Variants in THRB observed in about 807,000 individuals in gnomAD.
THRB encodes thyroid hormone receptor beta.
Under a neutral mutation model 47.8 loss-of-function variants are expected in THRB, and 12 were observed. The ratio of observed to expected loss-of-function variants is 0.25; its 90% CI spans 0.16 to 0.41. The LOEUF is 0.41. Among genes scored for constraint, THRB ranks in the 10% least tolerant of loss-of-function variants. The pLI is 1.00. For missense variants in THRB, 348 were observed against 589.2 expected (o/e 0.59, Z 4.24); for synonymous variants, 218 against 212.2 (o/e 1.03, Z -0.24).
intron 1 of THRB, among the ~76,000 whole-genome samples, chr3:24,381,113 C>CAA (rs35253085): frequency 0.17 from 14,992 of 87,420 alleles, 1,026 homozygotes; most frequent in Non-Finnish European, 0.23. Context: ...GACTCTGCCT[C>CAA]AAAAAAAAAA....
At chr3:24,246,432 G>A (rs78883834) in intron 3 of THRB, among the ~76,000 whole-genome samples, 1 of 152,286 alleles carries the variant, frequency 6.6e-6, no homozygotes, top group East Asian at 1.9e-4. Flanking sequence ...TTTTGAAAAG[G>A]GCATGGTATT....
chr3:24,417,381 T>TG (rs2150246395), intron 1 of THRB, among the ~76,000 whole-genome samples: 1 of 152,056 alleles, frequency 6.6e-6, no homozygotes, highest in Non-Finnish European at 1.5e-5. Context: ...CTTAAGTCTT[T>TG]GACTTCTTAA....
intron 1 of THRB, among the ~76,000 whole-genome samples, chr3:24,423,646 T>A (rs575241430): frequency 6.6e-6 from 1 of 151,984 alleles, no homozygotes; most frequent in African/African-American, 2.4e-5. Context: ...GACATGAATA[T>A]CAGGTTAGTC....
rs2067781025 is a variant in THRB at position 24,405,824 on chromosome 3, G to C, written c.-260-68453C>G. ...CATTAAATTGTTGGATTACTTTGGG[G>C]AGATTTATATTTCTAAAATATTGAT... On this transcript the variant is annotated intron_variant, in intron 1 of 10. Transcript: ENST00000646209. Among the ~76,000 whole-genome samples, 3 of 151,328 alleles carry C rather than the reference G, an allele frequency of 2.0e-5. No individual in the cohort carries two copies. In the South Asian group the frequency reaches 6.2e-4, roughly 31 times the overall value.
intron 4 of THRB, among the ~76,000 whole-genome samples, chr3:24,204,219 C>T (rs148479459): frequency 0.016 from 2,509 of 152,338 alleles, 36 homozygotes; most frequent in Non-Finnish European, 0.028. Flanking sequence ...AGTGGGTCCC[C>T]GACCCCTGAG....
intron 4 of THRB, among the ~76,000 whole-genome samples, chr3:24,223,425 A>C (rs1394813673): frequency 6.6e-6 from 1 of 152,212 alleles, no homozygotes; most frequent in Non-Finnish European, 1.5e-5. Flanking sequence ...ACAACAAAGA[A>C]ATAAATCATA....
At chr3:24,373,336 C>G (rs554403810) in intron 1 of THRB, among the ~76,000 whole-genome samples, 3 of 152,118 alleles carry the variant, frequency 2.0e-5, no homozygotes, top group Non-Finnish European at 2.9e-5. Context: ...CTGAAGTCAA[C>G]GCAGGCCCTT....
chr3:24,236,253 G>A (rs765493434), intron 3 of THRB, among the ~76,000 whole-genome samples: 18 of 152,260 alleles, frequency 1.2e-4, no homozygotes, highest in Middle Eastern at 3.4e-3. Flanking sequence ...TGGACTGGGC[G>A]TCATTCCAGA....
chr3:24,371,261 A>G (rs115013040), intron 1 of THRB, among the ~76,000 whole-genome samples: 4,359 of 152,236 alleles, frequency 0.029, 185 homozygotes, highest in African/African-American at 0.083. Context: ...ACTTATGAAG[A>G]TATTTTTACC....
chr3:24,401,825 C>G (rs910973858), intron 1 of THRB, among the ~76,000 whole-genome samples: 2 of 151,824 alleles, frequency 1.3e-5, no homozygotes, highest in African/African-American at 4.8e-5. Flanking sequence ...ATAAGACGCT[C>G]TAGGGTAGGG....
intron 1 of THRB, chr3:24,494,085 C>T (rs964104065): frequency 1.3e-5 from 2 of 152,710 alleles, no homozygotes; most frequent in African/African-American, 4.8e-5. Context: ...GGAGAGAAGC[C>T]CAGTCGCCAG....
At chr3:24,214,705 G>A (rs7615674) in intron 4 of THRB, among the ~76,000 whole-genome samples, 1 of 152,050 alleles carries the variant, frequency 6.6e-6, no homozygotes, top group Non-Finnish European at 1.5e-5. Flanking sequence ...CTGCCCTTCT[G>A]GTCCTCAGGA....
chr3:24,395,137 C>T (rs2066862930), intron 1 of THRB, among the ~76,000 whole-genome samples: 1 of 151,984 alleles, frequency 6.6e-6, no homozygotes, highest in African/African-American at 2.4e-5. Flanking sequence ...GGATTATAAA[C>T]CTAAATGTAA....
At chr3:24,442,417 C>G (rs900211627) in intron 1 of THRB, among the ~76,000 whole-genome samples, 1 of 152,128 alleles carries the variant, frequency 6.6e-6, no homozygotes, top group African/African-American at 2.4e-5. Flanking sequence ...AGTTCGCAGT[C>G]TTGGAAAAAA....
At chr3:24,203,205 G>A (rs976438146) in intron 4 of THRB, among the ~76,000 whole-genome samples, 8 of 152,164 alleles carry the variant, frequency 5.3e-5, no homozygotes, top group Non-Finnish European at 1.0e-4. Flanking sequence ...TTGAGCTCAG[G>A]AGTCCAAAAC....
intron 5 of THRB, among the ~76,000 whole-genome samples, chr3:24,166,947 C>T (rs1033015092): frequency 6.6e-6 from 1 of 151,952 alleles, no homozygotes; most frequent in African/African-American, 2.4e-5. Flanking sequence ...TATGGGGTGT[C>T]TGTTAAGTAC....
chr3:24,486,238 T>C (rs75513825), intron 1 of THRB, among the ~76,000 whole-genome samples: 318 of 152,278 alleles, frequency 2.1e-3, no homozygotes, highest in African/African-American at 7.5e-3. Context: ...GCAAATGCCA[T>C]AGCGTAGAGG....
chr3:24,377,629 T>C (rs1364487470), intron 1 of THRB, among the ~76,000 whole-genome samples: 1 of 152,182 alleles, frequency 6.6e-6, no homozygotes, highest in African/African-American at 2.4e-5. Context: ...ATAGTTCTGA[T>C]AGAGCCTTAG....
intron 1 of THRB, among the ~76,000 whole-genome samples, chr3:24,360,321 A>G (rs1435509596): frequency 6.6e-6 from 1 of 152,146 alleles, no homozygotes; most frequent in Non-Finnish European, 1.5e-5. Flanking sequence ...TCTATTCACT[A>G]CACCCTTGTG....
Sources: gnomAD v4.1 joint callset for allele counts (sites outside exome capture counted in the v4.1 genomes callset) on GRCh38, gnomAD v4.1.1 for gene constraint, MANE v1.5 for transcripts, NCBI Gene and HGNC (gene_info 2026-07-23, HGNC 2026-07-21) for gene names.